PDLIM5: variants seen among roughly 807,000 people sequenced by gnomAD.
PDLIM5 encodes PDZ and LIM domain 5.
PDLIM5 carries 34 observed loss-of-function variants against 64.2 expected under a neutral mutation model. The observed-to-expected ratio is 0.53, with a 90% CI of 0.40 to 0.71. PDLIM5 has a LOEUF of 0.71. Ranked by LOEUF, PDLIM5 falls within the 30% of genes least tolerant of loss-of-function variation. PDLIM5 has a pLI of 0.00. For missense variants in PDLIM5, 683 were observed against 733.6 expected, an observed-to-expected ratio of 0.93 and a Z score of 0.80; for synonymous variants, 253 against 269.1, an observed-to-expected ratio of 0.94 and a Z score of 0.59.
chr4:94,494,828 A>G (rs986568575), intron 2 of PDLIM5, among the ~76,000 whole-genome samples: 1 of 151,614 alleles, frequency 6.6e-6, no homozygotes, highest in Non-Finnish European at 1.5e-5. Context: ...GGCTCACTGC[A>G]ATCTCCGCTT....
intron 2 of PDLIM5, among the ~76,000 whole-genome samples, chr4:94,469,918 A>G (rs1345431208): frequency 1.5e-5 from 2 of 136,892 alleles, no homozygotes; most frequent in African/African-American, 2.7e-5. Flanking sequence ...TTTTTTCATT[A>G]TTTGCACACT....
chr4:94,566,579 T>C (rs1178138627), intron 3 of PDLIM5, among the ~76,000 whole-genome samples: 11 of 152,222 alleles, frequency 7.2e-5, no homozygotes. Context: ...AAAACAGTTC[T>C]GCAAGGGAGG....
chr4:94,630,901 T>A (rs1209031964), intron 8 of PDLIM5, among the ~76,000 whole-genome samples: 6 of 152,136 alleles, frequency 3.9e-5, no homozygotes, highest in African/African-American at 1.4e-4. Flanking sequence ...AGCCTGTTTG[T>A]CCTTAGCAAA....
chr4:94,457,286 A>C, intron 2 of PDLIM5: 1 of 362,612 alleles, frequency 2.8e-6, no homozygotes, highest in Non-Finnish European at 3.8e-6. Context: ...ATTAGATTTT[A>C]TAAGGAAGTA....
At chr4:94,639,418 G>A (rs994929066) in intron 8 of PDLIM5, among the ~76,000 whole-genome samples, 1 of 152,154 alleles carries the variant, frequency 6.6e-6, no homozygotes, top group African/African-American at 2.4e-5. Flanking sequence ...GTAGCTGGTC[G>A]AGGTTGGTGA....
chr4:94,573,228 C>T (rs966403673), intron 3 of PDLIM5, 123 bp from the exon 4 acceptor site: 75 of 691,802 alleles, frequency 1.1e-4, no homozygotes, highest in African/African-American at 2.0e-4. Flanking sequence ...AATTATGAAA[C>T]GATACATTCC....
intron 10 of PDLIM5, among the ~76,000 whole-genome samples, chr4:94,657,067 G>A (rs1742267837): frequency 6.6e-6 from 1 of 152,066 alleles, no homozygotes; most frequent in Non-Finnish European, 1.5e-5. Context: ...TAAAACCTTG[G>A]TAAGTTAATG....
chr4:94,513,915 GAGGGTTTATATCATGT>G (rs79836662), intron 2 of PDLIM5, among the ~76,000 whole-genome samples: 10,784 of 152,070 alleles, frequency 0.071, 876 homozygotes, highest in African/African-American at 0.19. Flanking sequence ...CCAGTTTTTT[GAGGGTTTATATCATGT>G]AGGGATGTTG....
In PDLIM5 at chr4:94,567,097, G is replaced by A. The variant is rs575813106; in HGVS notation, c.249-6254G>A. On this transcript the variant is annotated intron_variant, in intron 3 of 12. Coordinates refer to ENST00000317968, the MANE Select transcript of PDLIM5 (RefSeq NM_006457.5). ...CAAGCTCCGCCTCCCGGTTCACGCTGTTCTCCTGCTTCAGCCTCCCGAGTA... is the reference window on the plus strand; with the variant it reads ...CAAGCTCCGCCTCCCGGTTCACGCTATTCTCCTGCTTCAGCCTCCCGAGTA... Among the ~76,000 whole-genome samples the A allele has an allele frequency of 2.2e-3, 336 of 152,272 alleles. 1 individual carries two copies. Among genetic ancestry groups the A allele is most frequent in the African/African-American group, 6.3e-3 (262 of 41,566 alleles).
intron 11 of PDLIM5, among the ~76,000 whole-genome samples, chr4:94,661,913 C>T (rs1279825875): frequency 1.3e-5 from 2 of 151,962 alleles, no homozygotes; most frequent in Non-Finnish European, 2.9e-5. Flanking sequence ...CTCCACCTCC[C>T]AGGTTCAAGC....
intron 3 of PDLIM5, among the ~76,000 whole-genome samples, chr4:94,557,561 T>A (rs1422322366): frequency 6.6e-6 from 1 of 152,208 alleles, no homozygotes; most frequent in Non-Finnish European, 1.5e-5. Flanking sequence ...TTCCATTTGT[T>A]TGTGTCTTCT....
intron 3 of PDLIM5, among the ~76,000 whole-genome samples, chr4:94,541,055 A>T (rs112403990): frequency 0.012 from 1,766 of 152,216 alleles, 37 homozygotes; most frequent in African/African-American, 0.04. Flanking sequence ...CGTATGTCTA[A>T]AACTGTTTGA....
chr4:94,618,234 T>A, intron 8 of PDLIM5, 43 bp downstream of exon 8: 3 of 1,331,820 alleles, frequency 2.3e-6, no homozygotes, highest in Non-Finnish European at 3.1e-6. Context: ...TCGTAATGAG[T>A]TTCATTATGA....
At chr4:94,539,798 G>A (rs2510777) in intron 3 of PDLIM5, among the ~76,000 whole-genome samples, 78,843 of 151,954 alleles carry the variant, frequency 0.52, 21,493 homozygotes, top group African/African-American at 0.68. Context: ...TTAAGCAAAG[G>A]TGCACTCAGT....
intron 3 of PDLIM5, among the ~76,000 whole-genome samples, chr4:94,538,153 C>T (rs993649042): frequency 2.6e-5 from 4 of 152,172 alleles, no homozygotes; most frequent in Admixed American, 2.6e-4. Context: ...CAAAATATTC[C>T]AGTATCAGTA....
At chr4:94,616,648 A>T (rs1414258387) in intron 7 of PDLIM5, among the ~76,000 whole-genome samples, 1 of 152,180 alleles carries the variant, frequency 6.6e-6, no homozygotes, top group East Asian at 1.9e-4. Context: ...TATGATAAAG[A>T]TTATTAAAGT....
chr4:94,621,936 T>C (rs1739269704), intron 8 of PDLIM5, among the ~76,000 whole-genome samples: 1 of 152,224 alleles, frequency 6.6e-6, no homozygotes, highest in South Asian at 2.1e-4. Flanking sequence ...ACAGTTGAAT[T>C]ACATCATAAT....
At chr4:94,477,175 G>C (rs1361379596) in intron 2 of PDLIM5, among the ~76,000 whole-genome samples, 1 of 152,146 alleles carries the variant, frequency 6.6e-6, no homozygotes, top group African/African-American at 2.4e-5. Context: ...TAGAGATCTG[G>C]GTGGAGTTAC....
rs145981640 is a variant in PDLIM5 at position 94,582,043 on chromosome 4, T to A, written c.711-3522T>A. Reference sequence around the variant, plus strand: ...GAGGGACAGGAGAGAGTAAGAAAATTGAGTGATAGCTCATTATTTATGATC... The same window carrying A: ...GAGGGACAGGAGAGAGTAAGAAAATAGAGTGATAGCTCATTATTTATGATC... On this transcript the variant is annotated intron_variant, in intron 5 of 12. Coordinates refer to ENST00000317968, the MANE Select transcript of PDLIM5 (RefSeq NM_006457.5). Among the ~76,000 whole-genome samples the A allele has an allele frequency of 2.9e-3, 440 of 152,322 alleles. 1 individual carries two copies. The highest frequency in any genetic ancestry group is 9.6e-3 in the African/African-American group (399 of 41,576).
Sources: gnomAD v4.1 joint callset for allele counts (sites outside exome capture counted in the v4.1 genomes callset) on GRCh38, gnomAD v4.1.1 for gene constraint, MANE v1.5 for transcripts, NCBI Gene and HGNC (gene_info 2026-07-23, HGNC 2026-07-21) for gene names.